TTN: variants seen among roughly 807,000 people sequenced by gnomAD.
The protein encoded by TTN is connectin.
Under a neutral mutation model 3,223.0 loss-of-function variants are expected in TTN, and 1,525 were observed. The ratio of observed to expected loss-of-function variants is 0.47; its 90% confidence interval spans 0.45 to 0.49. The LOEUF is 0.49. Among genes scored for constraint, TTN ranks in the 20% least tolerant of loss-of-function variants. TTN has a pLI of 0.00. For missense variants in TTN, 40,786 were observed against 43,424.0 expected, an observed-to-expected ratio of 0.94 and a Z score of 5.40; for synonymous variants, 14,094 against 15,161.0, an observed-to-expected ratio of 0.93 and a Z score of 5.17.
Position 178,769,755 on chromosome 2 carries a change from G to A in TTN, c.8826C>T (p.Asn2942=), listed in dbSNP as rs763448846. Residue 2942 remains asparagine, a synonymous_variant, in exon 37 of 363, where the codon AAC becomes AAT. Transcript: ENST00000589042. ...QGKLHQLIIM[N]TSTEDSAEYT... Reference sequence around the variant, plus strand: ...ATTCTGCCGAGTCCTCTGTGCTGGTGTTCATGATGATCAGCTGATGGAGTT... The same window carrying A: ...ATTCTGCCGAGTCCTCTGTGCTGGTATTCATGATGATCAGCTGATGGAGTT... The A allele has an allele frequency of 1.2e-6, 2 of 1,613,994 alleles. No individual in the cohort carries two copies. Among genetic ancestry groups the A allele is most frequent in the South Asian group, 2.2e-5 (2 of 91,068 alleles).
At chr2:178,747,726 C>A (rs369452419) in intron 47 of TTN, 1 of 1,611,774 alleles carries the variant, frequency 6.2e-7, no homozygotes, top group Non-Finnish European at 8.5e-7. Flanking sequence ...GTATGTGCCT[C>A]ATCTAATTTA....
intron 263 of TTN, 142 bp from the exon 264 acceptor site, chr2:178,613,418 T>A (rs2056711101): frequency 5.3e-6 from 4 of 761,490 alleles, no homozygotes; most frequent in Non-Finnish European, 8.2e-6. Context: ...TCAATATAAA[T>A]TAAAAATTGC....
rs756282138 is a variant in TTN, at chr2:178,635,621, A to G, written c.41703T>C (p.Thr13901=). The stretch of plus-strand genomic sequence containing the variant: ...ATCCTTTGAACCACTTAATGTTTGG[A>G]GTATCTTTTGCTATATCACAGGCAA... ...AIFACDIAKD[T]PNIKWFKGYD... Residue 13901 remains threonine (T), a synonymous_variant, in exon 227 of 363, where the codon ACT becomes ACC. Transcript: ENST00000589042. 40 of 1,594,504 alleles carry G rather than the reference A, an allele frequency of 2.5e-5. No individual in the cohort carries two copies. The highest frequency in any genetic ancestry group is 3.3e-5 in the Non-Finnish European group (39 of 1,169,440).
chr2:178,733,505 A>T lies in TTN; in HGVS notation c.15788T>A (p.Ile5263Asn), dbSNP rs776892266. Reference sequence around the variant, plus strand: ...CTGGATCAGTTCTGCTCGCTCAATGATTTTGGCAGGTTCTACAATGGTATG... The same window carrying T: ...CTGGATCAGTTCTGCTCGCTCAATGTTTTTGGCAGGTTCTACAATGGTATG... ...GELIVKEPAKIIERAELIQVT... is the reference protein window; with the variant it reads ...GELIVKEPAKNIERAELIQVT... Residue 5263 changes from isoleucine to asparagine, a missense_variant, in exon 54 of 363, where the codon ATC becomes AAC. Coordinates refer to ENST00000589042, the MANE Select transcript of TTN (RefSeq NM_001267550.2). 2.9e-5 allele frequency: 47 copies of T among 1,610,094 alleles called. No individual in the cohort carries two copies.
At chr2:178,730,899 C>T in intron 60 of TTN, 26 bp downstream of exon 60, 5 of 1,555,684 alleles carry the variant, frequency 3.2e-6, no homozygotes, top group Middle Eastern at 1.7e-4. Context: ...AATGCCCAAT[C>T]CTCTCTGTAG....
Position 178,602,318 on chromosome 2 carries a change from C to A in TTN, c.55084G>T (p.Asp18362Tyr). The A allele has an allele frequency of 1.2e-6, 2 of 1,612,876 alleles. No individual in the cohort carries two copies. Among genetic ancestry groups the A allele is most frequent in the Non-Finnish European group, 1.7e-6 (2 of 1,179,302 alleles). ...GTGGCAGGGATCTCCCCAGTTGTAT[C>A]ACTTGGTTCAGATTCACCAGCTTCA... ...VNEAGESEPSDTTGEIPATDI... is the reference protein window; with the variant it reads ...VNEAGESEPSYTTGEIPATDI... Residue 18362 changes from aspartate to tyrosine, a missense_variant, in exon 283 of 363, where the codon GAT becomes TAT. Asp to Tyr is a radical substitution (Grantham distance 160, BLOSUM62 -3). Coordinates refer to ENST00000589042, the MANE Select transcript of TTN (RefSeq NM_001267550.2).
rs1553590996 is a variant in TTN at position 178,566,868 on chromosome 2, T to G, written c.79264A>C (p.Ile26422Leu). The change falls in exon 326 of 363, where the codon ATT becomes CTT. Residue 26422 changes from isoleucine (I) to leucine (L), a missense_variant. Ile to Leu is a conservative substitution (Grantham distance 5). Coordinates refer to ENST00000589042, the MANE Select transcript of TTN (RefSeq NM_001267550.2). ...SDGGSEIIGYIVEKRDRSGIR... is the reference protein window; with the variant it reads ...SDGGSEIIGYLVEKRDRSGIR... ...CCACTTCTGTCTCTTTTCTCTACAA[T>G]GTAACCAATAATCTCACTTCCACCA... is the stretch of plus-strand genomic sequence containing the variant. 2.5e-6 allele frequency: 4 copies of G among 1,613,512 alleles called. No individual in the cohort carries two copies. In the East Asian group the frequency reaches 8.9e-5, roughly 36 times the overall value.
rs1465233091 is a variant in TTN at position 178,607,302 on chromosome 2, G to A, written c.53300C>T (p.Pro17767Leu). 3 of 1,612,432 alleles carry A rather than the reference G, an allele frequency of 1.9e-6. No homozygotes were observed. Among genetic ancestry groups the A allele is most frequent in the Non-Finnish European group, 2.5e-6 (3 of 1,179,226 alleles). ...ARVEVFDVPG[P>L]VLDLKPVVTN... ...TACAACAGGTTTTAAGTCAAGAACT[G>A]GACCAGGGACATCTGAAAACAAAAC... The change falls in exon 278 of 363, where the codon CCA (proline) becomes CTA (leucine). Residue 17767 changes from proline to leucine, a missense_variant. Coordinates refer to ENST00000589042, the MANE Select transcript of TTN (RefSeq NM_001267550.2).
chr2:178,752,373 C>A (rs1403981792), intron 47 of TTN, among the ~76,000 whole-genome samples: 1 of 152,030 alleles, frequency 6.6e-6, no homozygotes, highest in African/African-American at 2.4e-5. Flanking sequence ...AGTGGAAAAT[C>A]TTACCTGACT....
At position 178,663,723 on chromosome 2, in the gene TTN, T is replaced by C; in HGVS notation, c.36449-13A>G. 6.2e-7 allele frequency: 1 copy of C among 1,612,800 alleles called. No individual in the cohort carries two copies. The highest frequency in any genetic ancestry group is 1.3e-5 in the African/African-American group (1 of 74,766). The stretch of plus-strand genomic sequence containing the variant: ...GGAGGCTCTGGTACTTAAAAGATAT[T>C]AGCAAAATTACATTCAGAAGTTATG... On this transcript the variant is annotated splice_polypyrimidine_tract_variant and intron_variant, in intron 170 of 362. Transcript: ENST00000589042.
chr2:178,649,496 T>C (rs927707417), intron 212 of TTN, 58 bp downstream of exon 212: 4 of 1,500,584 alleles, frequency 2.7e-6, no homozygotes, highest in Non-Finnish European at 3.6e-6. Flanking sequence ...CTTATTGGAT[T>C]CCACTTTAAG....
At position 178,776,103 on chromosome 2, in the gene TTN, T is replaced by C. The variant is rs879100565; in HGVS notation, c.5761A>G (p.Ile1921Val). Residue 1921 changes from isoleucine to valine, a missense_variant, in exon 28 of 363, where the codon ATA (isoleucine) becomes GTA (valine). Coordinates refer to ENST00000589042, the MANE Select transcript of TTN (RefSeq NM_001267550.2). ...ATCTCAAGCTTCACTTTATGCTCTA[T>C]CACACCTTCAGGATTTTCCGCGGTG... is the stretch of plus-strand genomic sequence containing the variant. ...KVTAENPEGV[I>V]EHKVKLEIQQ... 25 of 1,614,030 alleles carry C rather than the reference T, an allele frequency of 1.5e-5. No individual in the cohort carries two copies. Among genetic ancestry groups the C allele is most frequent in the African/African-American group, 2.7e-5 (2 of 74,922 alleles).
At position 178,624,589 on chromosome 2, in the gene TTN, C is replaced by T. The variant is rs755769210; in HGVS notation, c.44691G>A (p.Lys14897=). ...CCCTGCCATCAGCAACAATTTCATA[C>T]TTCTTGCTTTTGAGGATTTCTGTCC... ...KNGTEILKSK[K]YEIVADGRVR... The change falls in exon 242 of 363, where the codon AAG becomes AAA. Residue 14897 remains lysine (K), a synonymous_variant. Coordinates refer to ENST00000589042, the MANE Select transcript of TTN (RefSeq NM_001267550.2). 1.7e-5 allele frequency: 27 copies of T among 1,612,686 alleles called. No individual in the cohort carries two copies. The East Asian group carries it at 3.4e-4, about 20-fold the overall frequency.
chr2:178,531,167 A>T lies in TTN; in HGVS notation c.105448T>A (p.Cys35150Ser). The T allele has an allele frequency of 1.2e-6, 2 of 1,613,968 alleles. No individual in the cohort carries two copies. Among genetic ancestry groups the T allele is most frequent in the Non-Finnish European group, 1.7e-6 (2 of 1,179,884 alleles). Reference sequence around the variant, plus strand: ...GGTACCGGCTCACCATCGGTGTCACAAGAAAACCTTGCAGACTCGCCCTCG... The same window carrying T: ...GGTACCGGCTCACCATCGGTGTCACTAGAAAACCTTGCAGACTCGCCCTCG... ...VYEGESARFS[C>S]DTDGEPVPTV... Residue 35150 changes from cysteine to serine, a missense_variant, in exon 358 of 363, where the codon TGT (cysteine) becomes AGT (serine). By Grantham distance (112) the Cys-to-Ser change is moderately radical. Transcript: ENST00000589042.
At chr2:178,588,470 T>C (rs983150875) in intron 304 of TTN, 68 bp downstream of exon 304, 3 of 1,447,672 alleles carry the variant, frequency 2.1e-6, no homozygotes, top group Non-Finnish European at 2.8e-6. Context: ...CATTAACTTA[T>C]TTATCGAATA....
At chr2:178,796,527 T>G (rs1191627036) in intron 6 of TTN, among the ~76,000 whole-genome samples, 2 of 152,194 alleles carry the variant, frequency 1.3e-5, no homozygotes, top group African/African-American at 4.8e-5. Flanking sequence ...TTACATTTTG[T>G]AAATGAAGTT....
At position 178,543,811 on chromosome 2, in the gene TTN, C is replaced by A. The variant is rs149534618; in HGVS notation, c.96310+23G>T. 41 of 1,610,706 alleles carry A rather than the reference C, an allele frequency of 2.5e-5. No individual in the cohort carries two copies. The African/African-American group carries it at 4.5e-4, about 18-fold the overall frequency. The stretch of plus-strand genomic sequence containing the variant: ...TTTAGAGGATCTACTCATTGTATAG[C>A]CAATTTTAAGTAAAATGCTTACCAT... On this transcript the variant is annotated intron_variant, in intron 346 of 362. Transcript: ENST00000589042.
intron 44 of TTN, chr2:178,758,779 A>T: frequency 3.3e-6 from 2 of 610,622 alleles, no homozygotes; most frequent in Non-Finnish European, 5.8e-6. Flanking sequence ...AAGCGGGGCC[A>T]AATGAAACGT....
rs769309224 is a variant in TTN, at chr2:178,644,567, C to T, written c.40458G>A (p.Val13486=). 1 of 1,586,344 alleles carries T rather than the reference C, an allele frequency of 6.3e-7. No homozygotes were observed. Among genetic ancestry groups the T allele is most frequent in the Admixed American group, 1.8e-5 (1 of 55,372 alleles). ...VPEKPQVPEK[V]ELTPLKVPGG... ...AAATACCTTTCAGAGGTGTAAGCTC[C>T]ACTTTTTCTGGAACCTGAGGTTTTT... The change falls in exon 218 of 363, where the codon GTG becomes GTA. Residue 13486 remains valine, a synonymous_variant. Transcript: ENST00000589042.
Sources: gnomAD v4.1 joint callset for allele counts (sites outside exome capture counted in the v4.1 genomes callset) on GRCh38, gnomAD v4.1.1 for gene constraint, MANE v1.5 for transcripts, NCBI Gene and HGNC (gene_info 2026-07-23, HGNC 2026-07-21) for gene names.